CATSPERG: variants seen among roughly 807,000 people sequenced by gnomAD.
The protein encoded by CATSPERG is catsper channel auxiliary subunit gamma.
A neutral mutation model predicts 145.0 loss-of-function variants in CATSPERG; 115 were observed. That is an observed-to-expected ratio of 0.79 (90% CI 0.68 to 0.93). The LOEUF (loss-of-function observed/expected upper bound fraction) is 0.93, where lower values mean the gene tolerates loss of function less well. CATSPERG is among the 40% of genes least tolerant of loss of function. The pLI is 0.00. For synonymous variants in CATSPERG, 588 were observed against 589.0 expected (o/e 1.00, Z 0.02); for missense variants, 1,296 against 1,490.1 (o/e 0.87, Z 2.14).
chr19:38,338,212 G>T (rs1286844438), intron 3 of CATSPERG, among the ~76,000 whole-genome samples: 1 of 151,734 alleles, frequency 6.6e-6, no homozygotes, highest in Non-Finnish European at 1.5e-5. Flanking sequence ...GCAGTGGCGC[G>T]ATCTCGGCTC....
At chr19:38,358,587 G>C in intron 13 of CATSPERG, 26 bp downstream of exon 13, 1 of 1,613,788 alleles carries the variant, frequency 6.2e-7, no homozygotes. Flanking sequence ...CCCTGGGTGG[G>C]CCAGGCATAC....
Position 38,349,648 on chromosome 19 carries a change from T to TTTGTTTG in CATSPERG, c.826-2611_826-2610insGTTTGTT, listed in dbSNP as rs1568374934. ...ACAGAGACTGTTGCTCATTGTTTTT[T>TTTGTTTG]TTTGTTTGTTTGTTTGTTTGTTTGT... On this transcript the variant is annotated intron_variant, in intron 7 of 28. Transcript: ENST00000409235. 7.9e-4 allele frequency: 119 copies of TTTGTTTG among 149,896 alleles called. 12 individuals are homozygous for TTTGTTTG. The South Asian group carries it at 0.023, about 29-fold the overall frequency. The allele number at this position is 149,896 out of a possible 1,614,324, so 9.3% of individuals were successfully genotyped here.
intron 8 of CATSPERG, 141 bp downstream of exon 8, chr19:38,352,573 C>T (rs1298070564): frequency 2.6e-6 from 2 of 771,054 alleles, no homozygotes; most frequent in Non-Finnish European, 4.3e-6. Flanking sequence ...CCTTGCCCAC[C>T]CCGAATGGGC....
At chr19:38,358,725 T>A (rs1052430999) in intron 13 of CATSPERG, among the ~76,000 whole-genome samples, 164 bp downstream of exon 13, 1 of 152,190 alleles carries the variant, frequency 6.6e-6, no homozygotes, top group Admixed American at 6.6e-5. Context: ...ACCGTTAGGG[T>A]AGTCAGTGCT....
At chr19:38,359,606 G>C (rs60071299) in intron 14 of CATSPERG, 25 bp downstream of exon 14, 8 of 1,504,780 alleles carry the variant, frequency 5.3e-6, no homozygotes, top group East Asian at 2.3e-5. Flanking sequence ...CCCTCTCCCC[G>C]TTCCCTCTCT....
chr19:38,351,017 G>A (rs554370705), intron 7 of CATSPERG, among the ~76,000 whole-genome samples: 1 of 152,140 alleles, frequency 6.6e-6, no homozygotes, highest in South Asian at 2.1e-4. Flanking sequence ...AAATGGTCCT[G>A]TTTTCTGGAA....
Position 38,370,179 on chromosome 19 carries a change from A to G in CATSPERG, c.3134A>G (p.Tyr1045Cys), listed in dbSNP as rs1216297738. The G allele has an allele frequency of 6.2e-7, 1 of 1,613,898 alleles. No homozygotes were observed. Among genetic ancestry groups the G allele is most frequent in the Non-Finnish European group, 8.5e-7 (1 of 1,180,014 alleles). ...TGCAGAGGAGTGGACACGAGCACCT[A>G]CTGCAACTACCAGCTCACCTTCCTG... ...VSNRGVDTSTYCNYQLTFLLH... is the reference protein window; with the variant it reads ...VSNRGVDTSTCCNYQLTFLLH... Residue 1045 changes from tyrosine to cysteine, a missense_variant, in exon 28 of 29, where the codon TAC (tyrosine) becomes TGC (cysteine). By Grantham distance (194) the Tyr-to-Cys change is radical. Coordinates refer to ENST00000409235, the MANE Select transcript of CATSPERG (RefSeq NM_021185.5).
At chr19:38,363,782 T>A (rs1469012220) in intron 20 of CATSPERG, among the ~76,000 whole-genome samples, 1 of 151,882 alleles carries the variant, frequency 6.6e-6, no homozygotes, top group African/African-American at 2.4e-5. Context: ...GGGTTGGGGG[T>A]AAGGTCACAG....
At chr19:38,348,832 C>T (rs1168275692) in intron 7 of CATSPERG, among the ~76,000 whole-genome samples, 2 of 152,096 alleles carry the variant, frequency 1.3e-5, no homozygotes, top group Non-Finnish European at 2.9e-5. Context: ...TTCAGGCATC[C>T]AAATTCTTGT....
chr19:38,359,568 C>T lies in CATSPERG; in HGVS notation c.1595C>T (p.Thr532Ile), dbSNP rs1388585072. 3.7e-6 allele frequency: 6 copies of T among 1,612,856 alleles called. No individual in the cohort carries two copies. The highest frequency in any genetic ancestry group is 3.4e-6 in the Non-Finnish European group (4 of 1,179,414). Residue 532 changes from threonine (T) to isoleucine (I), a missense_variant, in exon 14 of 29, where the codon ACA becomes ATA. Transcript: ENST00000409235. ...RSFRGAVAIV[T>I]ETEEIWYLLE... is the part of the protein sequence containing the mutation. ...TTCCGTGGGGCTGTGGCTATTGTCA[C>T]AGAGACGGAGGAGGTGGGCTGCCCC...
At chr19:38,361,343 C>T (rs974274998) in intron 16 of CATSPERG, among the ~76,000 whole-genome samples, 1 of 151,790 alleles carries the variant, frequency 6.6e-6, no homozygotes, top group Non-Finnish European at 1.5e-5. Flanking sequence ...CAGCTGGAGT[C>T]GGGACAGGGA....
At position 38,356,875 on chromosome 19, in the gene CATSPERG, T is replaced by C; in HGVS notation, c.1315+14T>C. 6.2e-7 allele frequency: 1 copy of C among 1,613,428 alleles called. No homozygotes were observed. Among genetic ancestry groups the C allele is most frequent in the South Asian group, 1.1e-5 (1 of 91,002 alleles). On this transcript the variant is annotated intron_variant, in intron 11 of 28. Coordinates refer to ENST00000409235, the MANE Select transcript of CATSPERG (RefSeq NM_021185.5). Reference sequence around the variant, plus strand: ...GCTACAACACAGGTAATGAGGGTGATGCAAGGGGCTGGGCACAAAGGGGCA... The same window carrying C: ...GCTACAACACAGGTAATGAGGGTGACGCAAGGGGCTGGGCACAAAGGGGCA...
intron 25 of CATSPERG, 135 bp from the exon 26 acceptor site, chr19:38,367,913 C>T (rs528919301): frequency 2.6e-6 from 3 of 1,142,916 alleles, no homozygotes; most frequent in East Asian, 2.4e-5. Context: ...TAGGATCTCA[C>T]AGGCAAACTC....
At chr19:38,344,899 ATATTTTTT>A (rs1970011423) in intron 6 of CATSPERG, among the ~76,000 whole-genome samples, 1 of 93,098 alleles carries the variant, frequency 1.1e-5, no homozygotes, top group Non-Finnish European at 2.1e-5. Flanking sequence ...ATATATATAT[ATATTTTTT>A]TTTTTTTTTT....
At chr19:38,343,915 A>G (rs77828633) in intron 4 of CATSPERG, 78 bp from the exon 5 acceptor site, 41,283 of 1,513,888 alleles carry the variant, frequency 0.027, 1,220 homozygotes, top group East Asian at 0.13. Flanking sequence ...AGTTGTGGGG[A>G]GATCCCAGGG....
At position 38,370,804 on chromosome 19, in the gene CATSPERG, G is replaced by T; in HGVS notation, c.*12G>T. The T allele has an allele frequency of 6.2e-7, 1 of 1,609,616 alleles. No individual in the cohort carries two copies. On this transcript the variant is annotated 3_prime_UTR_variant, in exon 29 of 29. Transcript: ENST00000409235. ...AGTTGATGACCTGAGTGTCCCACCTGCCCCAGCCCCCAGTTACTGTCACGC... is the reference window on the plus strand; with the variant it reads ...AGTTGATGACCTGAGTGTCCCACCTTCCCCAGCCCCCAGTTACTGTCACGC...
rs1416214681 is a variant in CATSPERG at position 38,361,868 on chromosome 19, G to T, written c.2094+7G>T. 1.9e-6 allele frequency: 3 copies of T among 1,599,254 alleles called. No homozygotes were observed. The highest frequency in any genetic ancestry group is 1.7e-5 in the Admixed American group (1 of 57,532). On this transcript the variant is annotated splice_region_variant and intron_variant, in intron 17 of 28. Coordinates refer to ENST00000409235, the MANE Select transcript of CATSPERG (RefSeq NM_021185.5). ...GCACTCCGTGTACGACAAGGTGGGCGTCCGGCGGCGGGCGGGCAGGCCTGA... is the reference window on the plus strand; with the variant it reads ...GCACTCCGTGTACGACAAGGTGGGCTTCCGGCGGCGGGCGGGCAGGCCTGA...
chr19:38,354,931 C>T, intron 9 of CATSPERG, 84 bp downstream of exon 9: 1 of 1,493,930 alleles, frequency 6.7e-7, no homozygotes, highest in Non-Finnish European at 9.1e-7. Context: ...GGCCCTCACT[C>T]ATTACCATGT....
At chr19:38,336,381 A>G in intron 1 of CATSPERG, 2 of 357,062 alleles carry the variant, frequency 5.6e-6, no homozygotes, top group Non-Finnish European at 1.1e-5. Context: ...CCCGCGCGGG[A>G]AGAACCAATC....
Sources: allele counts gnomAD v4.1 joint callset (sites outside exome capture counted in the v4.1 genomes callset), GRCh38; gene constraint gnomAD v4.1.1; transcripts MANE v1.5; gene names NCBI Gene and HGNC (gene_info 2026-07-23, HGNC 2026-07-21).